The following TTC7A variants were observed in gnomAD, a reference collection of about 807,000 sequenced individuals.
TTC7A encodes tetratricopeptide repeat protein 7A.
TTC7A carries 110 observed loss-of-function variants against 103.7 expected under a neutral mutation model. The ratio of observed to expected loss-of-function variants is 1.06; its 90% confidence interval spans 0.91 to 1.24. The LOEUF is 1.24. Among genes scored for constraint, TTC7A ranks in the 50% most tolerant of loss-of-function variants. The pLI is 0.00. For synonymous variants in TTC7A, 521 were observed against 467.9 expected, an observed-to-expected ratio of 1.11 and a Z score of -1.47; for missense variants, 1,340 against 1,116.3, an observed-to-expected ratio of 1.20 and a Z score of -2.86.
At chr2:47,071,853 CAG>C (rs1261643198) in intron 19 of TTC7A, among the ~76,000 whole-genome samples, 1 of 152,226 alleles carries the variant, frequency 6.6e-6, no homozygotes, top group Non-Finnish European at 1.5e-5. Context: ...ATTTTTCAAA[CAG>C]AATCCCATGT....
intron 19 of TTC7A, among the ~76,000 whole-genome samples, chr2:47,061,805 C>G (rs1044608000): frequency 6.6e-6 from 1 of 152,190 alleles, no homozygotes; most frequent in African/African-American, 2.4e-5. Flanking sequence ...TTTGCTGCTT[C>G]CAGAGAACAT....
At position 47,059,009 on chromosome 2, in the gene TTC7A, C is replaced by CTTTTTTTTTTTTTTTTTT. The variant is rs35753980; in HGVS notation, c.2153-1747_2153-1730dup. Among the ~76,000 whole-genome samples, 2 of 44,718 alleles carry CTTTTTTTTTTTTTTTTTT rather than the reference C, an allele frequency of 4.5e-5. 1 individual carries two copies. The highest frequency in any genetic ancestry group is 2.4e-4 in the African/African-American group (2 of 8,318). 29.3% of individuals were successfully genotyped at this position (44,718 alleles called of 152,430 possible). On this transcript the variant is annotated intron_variant, in intron 18 of 19. Coordinates refer to ENST00000319190, the MANE Select transcript of TTC7A (RefSeq NM_020458.4). ...GTGGGGTCCTCACCTCCTAAGCCTGCTTTTTTTTTTTTTTTTTTTTTTTTT... is the reference window on the plus strand; with the variant it reads ...GTGGGGTCCTCACCTCCTAAGCCTGCTTTTTTTTTTTTTTTTTTTTTTTTTTTTTTTTTTTTTTTTTTT...
intron 17 of TTC7A, among the ~76,000 whole-genome samples, chr2:47,051,487 A>G (rs942777193): frequency 2.0e-5 from 3 of 152,148 alleles, no homozygotes; most frequent in African/African-American, 7.2e-5. Flanking sequence ...TGCTGACATT[A>G]TTGTTTTCCC....
chr2:47,024,393 CG>C, intron 14 of TTC7A, 34 bp downstream of exon 14: 3 of 1,574,154 alleles, frequency 1.9e-6, no homozygotes, highest in Non-Finnish European at 2.6e-6. Context: ...CCCGGGTCCT[CG>C]GGGGCTGCTG....
Position 46,950,521 on chromosome 2 carries a change from C to A in TTC7A, c.343C>A (p.Leu115Ile). 1 of 1,614,048 alleles carries A rather than the reference C, an allele frequency of 6.2e-7. No individual in the cohort carries two copies. Among genetic ancestry groups the A allele is most frequent in the Non-Finnish European group, 8.5e-7 (1 of 1,179,990 alleles). ...YLSSILNHGR[L>I]SPQYMCEAML... ...AAGCAGTATCCTTAACCATGGGAGG[C>A]TCTCGGTAAGTCGTCAGCCTTCAAG... Residue 115 changes from leucine (L) to isoleucine (I), a missense_variant, in exon 2 of 20, where the codon CTC (leucine) becomes ATC (isoleucine). Transcript: ENST00000319190.
Position 46,996,713 on chromosome 2 carries a change from C to T in TTC7A, c.1065+1514C>T, listed in dbSNP as rs569566449. 7.6e-4 allele frequency among the ~76,000 whole-genome samples: 115 copies of T among 152,306 alleles called. 2 individuals are homozygous for T. The highest frequency in any genetic ancestry group is 3.4e-3 in the Middle Eastern group (1 of 294). ...GGTAAGTGGTTGCCCAGGGGAGGGGCCATCTCGCTGGTTAGCAGCTGTGGA... is the reference window on the plus strand; with the variant it reads ...GGTAAGTGGTTGCCCAGGGGAGGGGTCATCTCGCTGGTTAGCAGCTGTGGA... On this transcript the variant is annotated intron_variant, in intron 8 of 19. Coordinates refer to ENST00000319190, the MANE Select transcript of TTC7A (RefSeq NM_020458.4).
intron 15 of TTC7A, among the ~76,000 whole-genome samples, chr2:47,029,999 G>GA (rs1491348954): frequency 6.6e-6 from 1 of 151,500 alleles, no homozygotes. Context: ...CACCTGAGGT[G>GA]AGAGGATGTG....
rs765847508 is a variant in TTC7A, at chr2:46,975,394, C to T, written c.648+291C>T. 7.9e-5 allele frequency among the ~76,000 whole-genome samples: 12 copies of T among 152,140 alleles called. No individual in the cohort carries two copies. The South Asian group carries it at 2.5e-3, about 32-fold the overall frequency. ...ATTTGCTCACCATTTCTTTCCCTGG[C>T]AGGGGTGGAGTCTGCCTGGGTCTTG... On this transcript the variant is annotated intron_variant, in intron 4 of 19. Transcript: ENST00000319190.
intron 19 of TTC7A, 84 bp from the exon 20 acceptor site, chr2:47,073,618 C>A: frequency 8.5e-7 from 1 of 1,180,752 alleles, no homozygotes; most frequent in Non-Finnish European, 1.2e-6. Flanking sequence ...CTGCTGCCAC[C>A]CGTGCACCTG....
At chr2:47,060,144 G>A (rs1683645455) in intron 18 of TTC7A, among the ~76,000 whole-genome samples, 1 of 152,094 alleles carries the variant, frequency 6.6e-6, no homozygotes, top group South Asian at 2.1e-4. Flanking sequence ...CTAGCATTTT[G>A]GGAGGCTAAG....
At chr2:46,990,565 C>T (rs1675523215) in intron 5 of TTC7A, among the ~76,000 whole-genome samples, 1 of 152,172 alleles carries the variant, frequency 6.6e-6, no homozygotes, top group Admixed American at 6.5e-5. Flanking sequence ...ATCTTCAAGA[C>T]CCAAATTAGA....
rs377056900 is a variant in TTC7A, at chr2:47,023,715, TA to T, written c.1568+254del. On this transcript the variant is annotated intron_variant, in intron 13 of 19. Transcript: ENST00000319190. Reference sequence around the variant, plus strand: ...CCTGCTCTCCCAGGGCTCAGGGGTCTAAAATGGGTATAGTAACCCATTGCTG... The same window carrying T: ...CCTGCTCTCCCAGGGCTCAGGGGTCTAAATGGGTATAGTAACCCATTGCTG... Among the ~76,000 whole-genome samples the T allele has an allele frequency of 1.1e-3, 172 of 152,262 alleles. 1 individual carries two copies. Among genetic ancestry groups the T allele is most frequent in the African/African-American group, 4.0e-3 (166 of 41,538 alleles).
At chr2:47,065,704 T>G (rs559642768) in intron 19 of TTC7A, 1 of 152,338 alleles carries the variant, frequency 6.6e-6, no homozygotes, top group South Asian at 2.1e-4. Context: ...GGTGGCATGT[T>G]CTGCTATCCT....
chr2:46,978,585 C>T (rs989243509), intron 4 of TTC7A, among the ~76,000 whole-genome samples: 8 of 96,314 alleles, frequency 8.3e-5, no homozygotes, highest in Non-Finnish European at 1.4e-4. Flanking sequence ...AGACAGAGGG[C>T]TTGTGGGCAT....
At chr2:47,002,842 C>G (rs1235689630) in intron 8 of TTC7A, among the ~76,000 whole-genome samples, 1 of 152,134 alleles carries the variant, frequency 6.6e-6, no homozygotes, top group Non-Finnish European at 1.5e-5. Context: ...CCATAGTAAC[C>G]ACTCAGCCCA....
chr2:46,931,187 C>T (rs751466810), intron 2 of TTC7A, among the ~76,000 whole-genome samples: 39 of 152,354 alleles, frequency 2.6e-4, no homozygotes, highest in African/African-American at 9.4e-4. Context: ...GCAATCATGG[C>T]TCACTGCAGC....
intron 19 of TTC7A, 99 bp from the exon 20 acceptor site, chr2:47,073,603 G>T: frequency 2.0e-6 from 2 of 1,010,394 alleles, no homozygotes; most frequent in South Asian, 2.9e-5. Flanking sequence ...CTCTCGAGCT[G>T]ATGGCTGCTG....
At chr2:46,961,878 C>T (rs1328203609) in intron 3 of TTC7A, among the ~76,000 whole-genome samples, 1 of 152,204 alleles carries the variant, frequency 6.6e-6, no homozygotes, top group Non-Finnish European at 1.5e-5. Flanking sequence ...CATGGCACTA[C>T]AGCTTGGGTG....
chr2:46,968,586 G>C (rs951047850), intron 3 of TTC7A, among the ~76,000 whole-genome samples: 2 of 152,170 alleles, frequency 1.3e-5, no homozygotes, highest in African/African-American at 4.8e-5. Context: ...CTGTGACCTT[G>C]CTTAGGAAAA....
Sources: gnomAD v4.1 joint callset for allele counts (sites outside exome capture counted in the v4.1 genomes callset) on GRCh38, gnomAD v4.1.1 for gene constraint, MANE v1.5 for transcripts, NCBI Gene and HGNC (gene_info 2026-07-23, HGNC 2026-07-21) for gene names.